The following ARG2 variants were observed in gnomAD, a reference collection of about 807,000 sequenced individuals.
ARG2 encodes arginase 2.
In ARG2, 21 loss-of-function variants were observed where a neutral mutation model predicts 39.4. That is an observed-to-expected ratio of 0.53 (90% CI 0.38 to 0.77). The LOEUF is 0.77. ARG2 is among the 30% of genes least tolerant of loss of function. ARG2 has a pLI of 0.00. For missense variants in ARG2, 378 were observed against 426.2 expected, an observed-to-expected ratio of 0.89 and a Z score of 1.00; for synonymous variants, 150 against 156.7, an observed-to-expected ratio of 0.96 and a Z score of 0.32.
chr14:67,644,408 T>C (rs73274556), intron 3 of ARG2, among the ~76,000 whole-genome samples: 3,414 of 152,308 alleles, frequency 0.022, 139 homozygotes, highest in African/African-American at 0.078. Flanking sequence ...ACTAAAACTC[T>C]AGTATTCTGA....
In ARG2 at chr14:67,642,299, G is replaced by A. The variant is rs772518841; in HGVS notation, c.298G>A (p.Ala100Thr). The A allele has an allele frequency of 1.9e-6, 3 of 1,614,134 alleles. No individual in the cohort carries two copies. Among genetic ancestry groups the A allele is most frequent in the Admixed American group, 3.3e-5 (2 of 59,988 alleles). Residue 100 changes from alanine (A) to threonine (T), a missense_variant, in exon 3 of 8, where the codon GCT (alanine) becomes ACT (threonine). Physicochemically the swap from Ala to Thr is moderately conservative, Grantham distance 58. Coordinates refer to ENST00000261783, the MANE Select transcript of ARG2 (RefSeq NM_001172.4). ...RSVGLANQEL[A>T]EVVSRAVSDG... is the part of the protein sequence containing the mutation. ...AGTGGGTCTTGCCAACCAGGAACTG[G>A]CTGAGGTGGTTAGCAGAGCTGTGTC...
At chr14:67,631,430 C>CT (rs1447220086) in intron 2 of ARG2, among the ~76,000 whole-genome samples, 11,363 of 126,408 alleles carry the variant, frequency 0.09, 696 homozygotes, top group Non-Finnish European at 0.098. Flanking sequence ...TCCTTTCTTT[C>CT]TTTCTTTTTT....
At chr14:67,640,442 G>T (rs906855673) in intron 2 of ARG2, among the ~76,000 whole-genome samples, 1 of 152,112 alleles carries the variant, frequency 6.6e-6, no homozygotes, top group Non-Finnish European at 1.5e-5. Context: ...CAATTCCTTG[G>T]TTGGCCTCAT....
At chr14:67,643,593 G>A (rs1262976525) in intron 3 of ARG2, among the ~76,000 whole-genome samples, 1 of 152,218 alleles carries the variant, frequency 6.6e-6, no homozygotes, top group Non-Finnish European at 1.5e-5. Flanking sequence ...GGAGGCCAAG[G>A]TGGGAGGATT....
intron 2 of ARG2, among the ~76,000 whole-genome samples, chr14:67,628,853 T>G (rs968158999): frequency 6.6e-6 from 1 of 152,196 alleles, no homozygotes; most frequent in South Asian, 2.1e-4. Flanking sequence ...AATTACTATA[T>G]GATTTAGCAA....
chr14:67,620,072 C>G lies in ARG2; in HGVS notation c.95C>G (p.Pro32Arg), dbSNP rs773047712. ...SVHSVAVIGA[P>R]FSQGQKRKGV... is the part of the protein sequence containing the mutation. ...CACTCCGTGGCTGTGATAGGAGCCC[C>G]GTTCTCACAAGGGCAGGTGAGAACT... The change falls in exon 1 of 8, where the codon CCG (proline) becomes CGG (arginine). Residue 32 changes from proline to arginine, a missense_variant. Physicochemically the swap from Pro to Arg is moderately radical, Grantham distance 103. Transcript: ENST00000261783. The G allele has an allele frequency of 2.5e-6, 4 of 1,608,452 alleles. No individual in the cohort carries two copies. The highest frequency in any genetic ancestry group is 3.4e-6 in the Non-Finnish European group (4 of 1,177,422).
chr14:67,648,285 G>T, intron 7 of ARG2, 102 bp downstream of exon 7: 1 of 1,332,998 alleles, frequency 7.5e-7, no homozygotes, highest in Non-Finnish European at 1.0e-6. Context: ...TCATTGCAGA[G>T]TTTGTTTTTG....
chr14:67,626,097 T>C (rs1172704241), intron 2 of ARG2, among the ~76,000 whole-genome samples: 2 of 151,740 alleles, frequency 1.3e-5, no homozygotes, highest in Non-Finnish European at 2.9e-5. Context: ...TACTAAAAAA[T>C]ACAAAAATTA....
chr14:67,645,689 C>A lies in ARG2; in HGVS notation c.409C>A (p.Leu137Ile), dbSNP rs781465749. Residue 137 changes from leucine (L) to isoleucine (I), a missense_variant, in exon 4 of 8, where the codon CTT (leucine) becomes ATT (isoleucine). Physicochemically the swap from Leu to Ile is conservative, Grantham distance 5. Transcript: ENST00000261783. ...ISGHARHCPD[L>I]CVVWVDAHAD... ...TGGCCATGCCCGACACTGCCCAGAC[C>A]TTTGTGTTGTCTGGGTTGATGCCCA... The A allele has an allele frequency of 3.1e-6, 5 of 1,614,048 alleles. No individual in the cohort carries two copies. Among genetic ancestry groups the A allele is most frequent in the Non-Finnish European group, 3.4e-6 (4 of 1,179,950 alleles).
intron 2 of ARG2, among the ~76,000 whole-genome samples, chr14:67,638,250 A>G (rs748963502): frequency 6.6e-6 from 1 of 152,182 alleles, no homozygotes; most frequent in Non-Finnish European, 1.5e-5. Flanking sequence ...TAGCCCAGGC[A>G]TGGTGGCTCA....
intron 3 of ARG2, among the ~76,000 whole-genome samples, chr14:67,644,561 C>T (rs1412878490): frequency 2.6e-5 from 4 of 152,208 alleles, no homozygotes. Context: ...CTGCATTTCC[C>T]ATCTATGTCA....
intron 2 of ARG2, among the ~76,000 whole-genome samples, chr14:67,633,389 A>G (rs560460782): frequency 2.1e-4 from 32 of 152,274 alleles, no homozygotes; most frequent in Admixed American, 1.0e-3. Flanking sequence ...ATACTTCATC[A>G]GAGGTGACAT....
rs528677241 is a variant in ARG2 at position 67,620,671 on chromosome 14, C to T, written c.112-223C>T. Among the ~76,000 whole-genome samples, 133 of 152,210 alleles carry T rather than the reference C, an allele frequency of 8.7e-4. 1 individual carries two copies. Among genetic ancestry groups the T allele is most frequent in the Non-Finnish European group, 7.6e-4 (52 of 68,002 alleles). ...AGCCCAGTCTCTGGCCCGAGCCAGC[C>T]CCACACACGCCTAGCTCCTGGATCC... is the stretch of plus-strand genomic sequence containing the variant. On this transcript the variant is annotated intron_variant, in intron 1 of 7. Transcript: ENST00000261783.
chr14:67,626,384 T>A lies in ARG2; in HGVS notation c.184+5418T>A, dbSNP rs1198354996. 3.3e-5 allele frequency among the ~76,000 whole-genome samples: 5 copies of A among 152,250 alleles called. No individual in the cohort carries two copies. The East Asian group carries it at 9.6e-4, about 29-fold the overall frequency. ...AAAGATTCGACCTGTCATACACTAC[T>A]GGTGTGAATGTAAAACTGCAGCCAC... On this transcript the variant is annotated intron_variant, in intron 2 of 7. Transcript: ENST00000261783.
At chr14:67,642,788 A>ATTTTTT (rs1169208904) in intron 3 of ARG2, among the ~76,000 whole-genome samples, 25 of 33,694 alleles carry the variant, frequency 7.4e-4, no homozygotes, top group South Asian at 3.0e-3. Flanking sequence ...ATGTTACTAC[A>ATTTTTT]TTTTCTTTTT....
At chr14:67,620,255 A>C (rs1209376119) in intron 1 of ARG2, among the ~76,000 whole-genome samples, 167 bp downstream of exon 1, 2 of 146,664 alleles carry the variant, frequency 1.4e-5, no homozygotes, top group African/African-American at 5.0e-5. Context: ...AGCATGTGGG[A>C]TATCCTCCGA....
chr14:67,646,839 C>G (rs2037105056), intron 5 of ARG2, 82 bp from the exon 6 acceptor site: 2 of 1,386,280 alleles, frequency 1.4e-6, no homozygotes, highest in Non-Finnish European at 2.0e-6. Context: ...GTCACTACAA[C>G]AAACCCACCC....
At chr14:67,624,657 A>G (rs926028539) in intron 2 of ARG2, among the ~76,000 whole-genome samples, 2 of 152,162 alleles carry the variant, frequency 1.3e-5, no homozygotes, top group Admixed American at 1.3e-4. Context: ...CCATGATCCA[A>G]TCACCTCCCA....
intron 2 of ARG2, among the ~76,000 whole-genome samples, chr14:67,627,258 T>TAG (rs1491268282): frequency 2.1e-4 from 22 of 103,378 alleles, no homozygotes; most frequent in Admixed American, 1.5e-3. Context: ...AGTAAGGAGA[T>TAG]ATATATATAT....
Sources: gnomAD v4.1 joint callset for allele counts (sites outside exome capture counted in the v4.1 genomes callset) on GRCh38, gnomAD v4.1.1 for gene constraint, MANE v1.5 for transcripts, NCBI Gene and HGNC (gene_info 2026-07-23, HGNC 2026-07-21) for gene names.